The following LOXL4 variants were observed in gnomAD, a reference collection of about 807,000 sequenced individuals.
LOXL4 encodes the protein lysyl oxidase homolog 4.
A neutral mutation model predicts 89.1 loss-of-function variants in LOXL4; 72 were observed. That is an observed-to-expected ratio of 0.81 (90% CI 0.67 to 0.98). The LOEUF (loss-of-function observed/expected upper bound fraction) is 0.98, where lower values mean the gene tolerates loss of function less well. Ranked by LOEUF, LOXL4 falls within the 50% of genes least tolerant of loss-of-function variation. LOXL4 has a pLI of 0.00. For synonymous variants in LOXL4, 355 were observed against 392.1 expected (o/e 0.91, Z 1.12); for missense variants, 984 against 1,017.5 (o/e 0.97, Z 0.45).
intron 8 of LOXL4, 131 bp from the exon 9 acceptor site, chr10:98,257,078 G>T (rs1477924694): frequency 3.6e-6 from 4 of 1,098,380 alleles, no homozygotes; most frequent in East Asian, 2.6e-5. Context: ...CTCTGCCTTG[G>T]TCTCCTTCTC....
At position 98,257,805 on chromosome 10, in the gene LOXL4, C is replaced by G; in HGVS notation, c.1106-1G>C. 1 of 1,611,092 alleles carries G rather than the reference C, an allele frequency of 6.2e-7. No individual in the cohort carries two copies. The stretch of plus-strand genomic sequence containing the variant: ...TCACTCAGGTGGATGGGCCCTAGCC[C>G]TAGATGGGGAGAGAGGTGCTGTGTG... On this transcript the variant is annotated splice_acceptor_variant, in intron 7 of 14. Coordinates refer to ENST00000260702, the MANE Select transcript of LOXL4 (RefSeq NM_032211.7). LOFTEE classifies it high-confidence loss of function.
chr10:98,267,009 A>G (rs936170739), intron 1 of LOXL4, among the ~76,000 whole-genome samples: 5 of 152,204 alleles, frequency 3.3e-5, no homozygotes, highest in Non-Finnish European at 5.9e-5. Flanking sequence ...AGAAGAGGGA[A>G]GGAAGGTGGA....
chr10:98,257,102 C>T (rs868548497), intron 8 of LOXL4, among the ~76,000 whole-genome samples, 155 bp from the exon 9 acceptor site: 2 of 152,182 alleles, frequency 1.3e-5, no homozygotes, highest in African/African-American at 2.4e-5. Context: ...AAGGTGAGGA[C>T]AGTGTAGCAG....
intron 3 of LOXL4, 34 bp from the exon 4 acceptor site, chr10:98,261,161 G>C (rs528134840): frequency 1.3e-6 from 2 of 1,598,212 alleles, no homozygotes; most frequent in East Asian, 2.2e-5. Context: ...GGGCCTCGGG[G>C]CTCCTGCTCC....
Position 98,262,174 on chromosome 10 carries a change from T to C in LOXL4, c.317A>G (p.Glu106Gly). 1 of 1,613,784 alleles carries C rather than the reference T, an allele frequency of 6.2e-7. No homozygotes were observed. The highest frequency in any genetic ancestry group is 8.5e-7 in the Non-Finnish European group (1 of 1,180,008). Residue 106 changes from glutamate to glycine, a missense_variant, in exon 3 of 15, where the codon GAG becomes GGG. Physicochemically the swap from Glu to Gly is moderately conservative, Grantham distance 98. Coordinates refer to ENST00000260702, the MANE Select transcript of LOXL4 (RefSeq NM_032211.7). ...WLDNVRCVGT[E>G]SSLDQCGSNG... ...AGACCCGCACTGGTCCAAGGAGCTC[T>C]CTGTGCCCACACAGCGCACATTGTC...
chr10:98,259,753 G>A (rs538626231), intron 4 of LOXL4, among the ~76,000 whole-genome samples: 66 of 152,302 alleles, frequency 4.3e-4, no homozygotes, highest in African/African-American at 1.5e-3. Flanking sequence ...GGGACAGGTG[G>A]GAGGTGAAGG....
intron 10 of LOXL4, among the ~76,000 whole-genome samples, chr10:98,254,033 G>C (rs551395894): frequency 1.3e-5 from 2 of 152,280 alleles, no homozygotes; most frequent in South Asian, 4.2e-4. Context: ...TTGGAGCCAG[G>C]CCACCTGGGT....
In LOXL4 at chr10:98,253,701, TCTC is replaced by T. The variant is rs746887705; in HGVS notation, c.1684_1686del (p.Glu562del). 5.6e-5 allele frequency: 90 copies of T among 1,614,144 alleles called. No individual in the cohort carries two copies. Among genetic ancestry groups the T allele is most frequent in the African/African-American group, 1.3e-4 (10 of 75,018 alleles). ...TGATCCGCAGACTTGGAGAGGCAGT[TCTC>T]CTCGTGGGCACAATACAGCTGGCTG... On this transcript the variant is annotated inframe_deletion, in exon 11 of 15. Coordinates refer to ENST00000260702, the MANE Select transcript of LOXL4 (RefSeq NM_032211.7).
In LOXL4 at chr10:98,251,709, G is replaced by A. The variant is rs1858198170; in HGVS notation, c.1952-7C>T. On this transcript the variant is annotated splice_polypyrimidine_tract_variant and splice_region_variant and intron_variant, in intron 12 of 14. Coordinates refer to ENST00000260702, the MANE Select transcript of LOXL4 (RefSeq NM_032211.7). Reference sequence around the variant, plus strand: ...GCGTAGCGCCGCTGCAGTCCTGTAAGGAAGGGGACAGACAGGTTTTGAGGC... The same window carrying A: ...GCGTAGCGCCGCTGCAGTCCTGTAAAGAAGGGGACAGACAGGTTTTGAGGC... 6.2e-7 allele frequency: 1 copy of A among 1,614,006 alleles called. No homozygotes were observed. Among genetic ancestry groups the A allele is most frequent in the Non-Finnish European group, 8.5e-7 (1 of 1,179,996 alleles).
intron 14 of LOXL4, among the ~76,000 whole-genome samples, chr10:98,250,332 AT>A (rs974391734): frequency 1.3e-5 from 2 of 152,202 alleles, no homozygotes; most frequent in African/African-American, 4.8e-5. Flanking sequence ...TATTGGGGCT[AT>A]TTGCATGTGT....
intron 11 of LOXL4, 74 bp from the exon 12 acceptor site, chr10:98,252,542 C>T: frequency 2.1e-6 from 2 of 941,784 alleles, no homozygotes; most frequent in South Asian, 2.9e-5. Context: ...GTAGGGAAGA[C>T]AGGCCCCAGG....
At position 98,257,251 on chromosome 10, in the gene LOXL4, TTCAC is replaced by T. The variant is rs146802469; in HGVS notation, c.1261-308_1261-305del. 7.7e-3 allele frequency among the ~76,000 whole-genome samples: 1,173 copies of T among 152,180 alleles called. 27 individuals carry two copies. The East Asian group carries it at 0.11, about 14-fold the overall frequency. Reference sequence around the variant, plus strand: ...AAGGGCTTTCATGTCCCTTGCCTCATTCACAGTGACCCCCTGAGAGCGTGAACCC... The same window carrying T: ...AAGGGCTTTCATGTCCCTTGCCTCATAGTGACCCCCTGAGAGCGTGAACCC... On this transcript the variant is annotated intron_variant, in intron 8 of 14. Transcript: ENST00000260702.
At chr10:98,264,963 C>T (rs1299843447) in intron 1 of LOXL4, among the ~76,000 whole-genome samples, 11 of 152,374 alleles carry the variant, frequency 7.2e-5, no homozygotes, top group Non-Finnish European at 1.3e-4. Flanking sequence ...TGCCCTACTC[C>T]CTCTCAACGG....
At chr10:98,260,897 G>A (rs201241279) in intron 4 of LOXL4, 25 bp downstream of exon 4, 3 of 1,582,440 alleles carry the variant, frequency 1.9e-6, no homozygotes, top group South Asian at 2.3e-5. Context: ...GCCTCCTGTG[G>A]GGCCTACGCC....
chr10:98,262,215 T>C lies in LOXL4; in HGVS notation c.278-2A>G. 1 of 1,613,260 alleles carries C rather than the reference T, an allele frequency of 6.2e-7. No homozygotes were observed. The highest frequency in any genetic ancestry group is 1.1e-5 in the South Asian group (1 of 91,048). On this transcript the variant is annotated splice_acceptor_variant, in intron 2 of 14. Coordinates refer to ENST00000260702, the MANE Select transcript of LOXL4 (RefSeq NM_032211.7). LOFTEE classifies it high-confidence loss of function. ...GCACATTGTCCAGCCAGATGGGTCC[T>C]GTGGAGTGGAGGTGATGCTCAAAGA...
chr10:98,265,867 C>T (rs1311443090), intron 1 of LOXL4, among the ~76,000 whole-genome samples: 2 of 152,162 alleles, frequency 1.3e-5, no homozygotes, highest in East Asian at 1.9e-4. Context: ...CCTTTTCCCT[C>T]CACCCACACT....
chr10:98,259,803 T>A (rs1464989325), intron 4 of LOXL4, among the ~76,000 whole-genome samples: 5 of 152,082 alleles, frequency 3.3e-5, no homozygotes. Context: ...ACACCCAGGC[T>A]ACCATCAGGC....
Position 98,256,889 on chromosome 10 carries a change from A to T in LOXL4, c.1319T>A (p.Val440Glu). The T allele has an allele frequency of 6.2e-7, 1 of 1,614,034 alleles. No individual in the cohort carries two copies. The highest frequency in any genetic ancestry group is 8.5e-7 in the Non-Finnish European group (1 of 1,179,998). Residue 440 changes from valine to glutamate, a missense_variant, in exon 9 of 15, where the codon GTG becomes GAG. Physicochemically the swap from Val to Glu is moderately radical, Grantham distance 121. Transcript: ENST00000260702. ...EEGLLEVQVE[V>E]NGVPRWGSVC... ...GCTCCCCCAGCGTGGGACCCCGTTC[A>T]CCTCCACCTGCACCTCCAATAGCCC...
rs559653725 is a variant in LOXL4, at chr10:98,263,897, A to AT, written c.-32-847dup. Among the ~76,000 whole-genome samples, 51 of 151,680 alleles carry AT rather than the reference A, an allele frequency of 3.4e-4. 1 individual carries two copies. The highest frequency in any genetic ancestry group is 2.4e-3 in the Admixed American group (37 of 15,228). On this transcript the variant is annotated intron_variant, in intron 1 of 14. Transcript: ENST00000260702. ...AGGCGCCCACCACCACGCCCAGCTA[A>AT]TTTTTTTGTATCTGTAGTAGAGACG...
Sources: gnomAD v4.1 joint callset for allele counts (sites outside exome capture counted in the v4.1 genomes callset) on GRCh38, gnomAD v4.1.1 for gene constraint, MANE v1.5 for transcripts, NCBI Gene and HGNC (gene_info 2026-07-23, HGNC 2026-07-21) for gene names.